Variants in NCAM1 observed in about 807,000 individuals in gnomAD.
The protein encoded by NCAM1 is neural cell adhesion molecule 1, also known as antigen recognized by monoclonal antibody 5.1H11.
In NCAM1, 14 loss-of-function variants were observed where a neutral mutation model predicts 109.8. The ratio of observed to expected loss-of-function variants is 0.13; its 90% CI spans 0.08 to 0.20. NCAM1 has a LOEUF of 0.20. Ranked by LOEUF, NCAM1 falls within the 10% of genes least tolerant of loss-of-function variation. The probability of loss-of-function intolerance (pLI) is 1.00; values close to 1 mark genes in which losing one functional copy is unlikely to be tolerated. For missense variants in NCAM1, 774 were observed against 1,109.9 expected (o/e 0.70, Z 4.30); for synonymous variants, 418 against 442.9 (o/e 0.94, Z 0.70).
intron 1 of NCAM1, among the ~76,000 whole-genome samples, chr11:113,000,851 C>CAA (rs35614573): frequency 0.02 from 1,853 of 91,178 alleles, 60 homozygotes; most frequent in African/African-American, 0.066. Context: ...TATATATACA[C>CAA]AAAAAATATA....
At chr11:112,966,923 T>G (rs1193596151) in intron 1 of NCAM1, among the ~76,000 whole-genome samples, 3 of 152,268 alleles carry the variant, frequency 2.0e-5, no homozygotes, top group Admixed American at 2.0e-4. Flanking sequence ...CCAAGAGGAC[T>G]GCACTAAAAG....
intron 1 of NCAM1, among the ~76,000 whole-genome samples, chr11:112,991,929 T>C (rs1951467226): frequency 6.6e-6 from 1 of 152,222 alleles, no homozygotes; most frequent in Admixed American, 6.5e-5. Flanking sequence ...GGAGAAATAG[T>C]CAGTTTTATT....
At chr11:113,028,641 TCAAA>T (rs782709197) in intron 1 of NCAM1, among the ~76,000 whole-genome samples, 3 of 152,228 alleles carry the variant, frequency 2.0e-5, no homozygotes, top group Non-Finnish European at 2.9e-5. Context: ...ATCTAGTGAA[TCAAA>T]CAGTGTATAT....
Position 113,240,684 on chromosome 11 carries a change from C to T in NCAM1, c.1825+5520C>T, listed in dbSNP as rs1945294442. ...CTTCCCACTTTAACTCACTTCAGCTCCTCATACTGATGCCCCAGGGTTGTT... is the reference window on the plus strand; with the variant it reads ...CTTCCCACTTTAACTCACTTCAGCTTCTCATACTGATGCCCCAGGGTTGTT... On this transcript the variant is annotated intron_variant, in intron 14 of 19. Transcript: ENST00000316851. The T allele has an allele frequency of 6.5e-6, 7 of 1,079,358 alleles. 1 individual carries two copies. Among genetic ancestry groups the T allele is most frequent in the Admixed American group, 1.7e-5 (1 of 58,840 alleles). The allele number at this position is 1,079,358 out of a possible 1,614,324, so 66.9% of individuals were successfully genotyped here. A position where few individuals can be genotyped will look rare whatever the true frequency, so the allele number is the denominator to read the frequency against.
intron 1 of NCAM1, among the ~76,000 whole-genome samples, chr11:113,195,312 A>T (rs1943818446): frequency 6.6e-6 from 1 of 152,156 alleles, no homozygotes. Context: ...CTTCTCTGCC[A>T]AAACGAGATA....
At chr11:113,014,484 G>C (rs1555074987) in intron 1 of NCAM1, among the ~76,000 whole-genome samples, 1 of 152,112 alleles carries the variant, frequency 6.6e-6, no homozygotes, top group Non-Finnish European at 1.5e-5. Flanking sequence ...AAACAAAACA[G>C]CCACGGGCCT....
At chr11:113,090,435 C>T (rs1177581560) in intron 1 of NCAM1, among the ~76,000 whole-genome samples, 7 of 152,232 alleles carry the variant, frequency 4.6e-5, no homozygotes, top group East Asian at 1.9e-4. Flanking sequence ...TCACTTTCTG[C>T]GACATAATTT....
At chr11:113,239,925 C>G (rs1331335833) in intron 14 of NCAM1, among the ~76,000 whole-genome samples, 1 of 152,228 alleles carries the variant, frequency 6.6e-6, no homozygotes, top group Non-Finnish European at 1.5e-5. Context: ...AAATTTTCAT[C>G]TAGCTCTCGA....
intron 1 of NCAM1, among the ~76,000 whole-genome samples, chr11:113,067,454 G>A (rs1465522894): frequency 2.6e-5 from 4 of 152,164 alleles, no homozygotes; most frequent in Admixed American, 2.0e-4. Context: ...GTATACCTTT[G>A]CCTCTTTGAC....
intron 1 of NCAM1, among the ~76,000 whole-genome samples, chr11:112,964,859 CAG>C (rs1283150922): frequency 1.1e-4 from 16 of 152,154 alleles, no homozygotes; most frequent in Admixed American, 7.9e-4. Context: ...TTATTAAAAA[CAG>C]GGAATATAAT....
chr11:113,192,140 G>T (rs765928039), intron 1 of NCAM1, among the ~76,000 whole-genome samples: 49 of 152,196 alleles, frequency 3.2e-4, no homozygotes, highest in Non-Finnish European at 6.5e-4. Context: ...TTTTATAGCT[G>T]GAAGAAAAGA....
intron 1 of NCAM1, among the ~76,000 whole-genome samples, chr11:113,023,321 C>T (rs1295317024): frequency 5.3e-5 from 8 of 152,176 alleles, no homozygotes; most frequent in African/African-American, 1.7e-4. Flanking sequence ...CAGTCTTATG[C>T]AAGCCAAAAG....
Position 113,141,873 on chromosome 11 carries a change from G to A in NCAM1, c.53-60506G>A, listed in dbSNP as rs572148205. Among the ~76,000 whole-genome samples the A allele has an allele frequency of 9.9e-5, 15 of 152,030 alleles. No homozygotes were observed. In the East Asian group the frequency reaches 1.4e-3, roughly 14 times the overall value. On this transcript the variant is annotated intron_variant, in intron 1 of 19. Coordinates refer to ENST00000316851, the MANE Select transcript of NCAM1 (RefSeq NM_181351.5). ...TCACTTTTAGGTGTTCATTCCAGTC[G>A]TATATAAAAGTAGGAGTTGAAAGAA... is the stretch of plus-strand genomic sequence containing the variant.
intron 1 of NCAM1, among the ~76,000 whole-genome samples, chr11:113,138,271 G>A (rs1283368979): frequency 6.6e-6 from 1 of 152,232 alleles, no homozygotes; most frequent in Non-Finnish European, 1.5e-5. Context: ...AGATGAATGT[G>A]TAAATCAACA....
At chr11:113,075,539 C>T (rs2003987) in intron 1 of NCAM1, among the ~76,000 whole-genome samples, 66,439 of 151,948 alleles carry the variant, frequency 0.44, 15,725 homozygotes, top group Middle Eastern at 0.56. Flanking sequence ...TATTGATTTC[C>T]TTTTTGAATC....
At position 113,008,881 on chromosome 11, in the gene NCAM1, C is replaced by T. The variant is rs1218083948; in HGVS notation, c.52+47217C>T. Among the ~76,000 whole-genome samples, 5 of 152,154 alleles carry T rather than the reference C, an allele frequency of 3.3e-5. No homozygotes were observed. The South Asian group carries it at 8.3e-4, about 25-fold the overall frequency. On this transcript the variant is annotated intron_variant, in intron 1 of 19. Coordinates refer to ENST00000316851, the MANE Select transcript of NCAM1 (RefSeq NM_181351.5). ...ACACAACATCAGCAGTATCTGGGCT[C>T]AGTATGGCCCACTGAGCCTGAATAG...
rs1440275037 is a variant in NCAM1, at chr11:113,233,886, A to C, written c.1693+569A>C. Reference sequence around the variant, plus strand: ...TCTGAGCCCAGATCATCTGAGGATAATGTGTGCTTATGTTGGACTCCCCTT... The same window carrying C: ...TCTGAGCCCAGATCATCTGAGGATACTGTGTGCTTATGTTGGACTCCCCTT... On this transcript the variant is annotated intron_variant, in intron 13 of 19. Transcript: ENST00000316851. The surrounding 1 kb of genome is among the most constrained non-coding windows in gnomAD (Gnocchi z 4.5). Among the ~76,000 whole-genome samples, 1 of 152,180 alleles carries C rather than the reference A, an allele frequency of 6.6e-6. No individual in the cohort carries two copies. The highest frequency in any genetic ancestry group is 2.4e-5 in the African/African-American group (1 of 41,456).
chr11:113,044,991 T>A (rs1203640225), intron 1 of NCAM1, among the ~76,000 whole-genome samples: 1 of 152,140 alleles, frequency 6.6e-6, no homozygotes, highest in East Asian at 1.9e-4. Flanking sequence ...TCTGACCTCG[T>A]GATCCGCCCG....
intron 1 of NCAM1, among the ~76,000 whole-genome samples, chr11:113,174,115 G>A (rs1943077675): frequency 6.6e-6 from 1 of 152,184 alleles, no homozygotes. Flanking sequence ...GAGATTAGAA[G>A]TGGAAAATCC....
Sources: allele counts gnomAD v4.1 joint callset (sites outside exome capture counted in the v4.1 genomes callset), GRCh38; gene constraint gnomAD v4.1.1; non-coding constraint Gnocchi (gnomAD v3.1); transcripts MANE v1.5; gene names NCBI Gene and HGNC (gene_info 2026-07-23, HGNC 2026-07-21).